The following PRELID2 variants were observed in gnomAD, a reference collection of about 807,000 sequenced individuals.
The protein encoded by PRELID2 is PRELI domain containing 2.
PRELID2 carries 25 observed loss-of-function variants against 28.4 expected under a neutral mutation model. That is an observed-to-expected ratio of 0.88 (90% CI 0.64 to 1.23). The LOEUF is 1.23. PRELID2 is among the 50% of genes most tolerant of loss of function. The pLI, the probability that PRELID2 is intolerant of heterozygous loss-of-function variation, is 0.00. For synonymous variants in PRELID2, 76 were observed against 71.6 expected (o/e 1.06, Z -0.31); for missense variants, 201 against 214.4 (o/e 0.94, Z 0.39).
At chr5:145,831,273 G>C (rs1294779540) in intron 1 of PRELID2, among the ~76,000 whole-genome samples, 1 of 152,194 alleles carries the variant, frequency 6.6e-6, no homozygotes, top group Non-Finnish European at 1.5e-5. Context: ...ACTGCACAAG[G>C]GCTCCTGGTC....
At chr5:145,714,693 T>C (rs1489624866) in intron 1 of PRELID2, among the ~76,000 whole-genome samples, 4 of 152,190 alleles carry the variant, frequency 2.6e-5, no homozygotes, top group Non-Finnish European at 5.9e-5. Context: ...GTGTCGTAAG[T>C]TCACAAGTCT....
At chr5:145,683,548 T>C (rs1230766449) in intron 1 of PRELID2, among the ~76,000 whole-genome samples, 1 of 152,194 alleles carries the variant, frequency 6.6e-6, no homozygotes, top group East Asian at 1.9e-4. Flanking sequence ...CGCTATGTCC[T>C]CACATGGCCT....
At chr5:145,710,505 C>T (rs1459858562) in intron 1 of PRELID2, among the ~76,000 whole-genome samples, 2 of 152,174 alleles carry the variant, frequency 1.3e-5, no homozygotes, top group East Asian at 3.9e-4. Context: ...AGTTTACCTA[C>T]CAAATCAGTC....
At chr5:145,373,198 CAACATATATAATATATAT>C in the PRELID2 span, among the ~76,000 whole-genome samples, 8 of 43,532 alleles carry the variant, frequency 1.8e-4, no homozygotes, top group South Asian at 1.6e-3. Flanking sequence ...ATATATATTA[CAACATATATAATATATAT>C]GATATATATT....
the PRELID2 span, among the ~76,000 whole-genome samples, chr5:145,341,522 AGAGT>A: frequency 2.0e-5 from 3 of 152,164 alleles, no homozygotes; most frequent in Admixed American, 6.5e-5. Context: ...CCTGGGCAAC[AGAGT>A]GAGACTCCAT....
chr5:145,413,105 T>C, the PRELID2 span, among the ~76,000 whole-genome samples: 2 of 152,106 alleles, frequency 1.3e-5, no homozygotes, highest in African/African-American at 4.8e-5. Context: ...AAAAGACTAA[T>C]ATCCAGAACC....
intron 1 of PRELID2, among the ~76,000 whole-genome samples, chr5:145,602,426 T>G (rs1753411225): frequency 6.6e-6 from 1 of 152,144 alleles, no homozygotes; most frequent in Admixed American, 6.6e-5. Flanking sequence ...AAAATATGAC[T>G]TTTAGGAAAC....
chr5:145,602,752 A>T (rs543303800), intron 1 of PRELID2, among the ~76,000 whole-genome samples: 1 of 152,234 alleles, frequency 6.6e-6, no homozygotes, highest in South Asian at 2.1e-4. Context: ...AACACAGGTG[A>T]AAACAGAATC....
At chr5:145,794,899 T>TA (rs1752635082) in intron 5 of PRELID2, among the ~76,000 whole-genome samples, 1 of 152,080 alleles carries the variant, frequency 6.6e-6, no homozygotes, top group Non-Finnish European at 1.5e-5. Flanking sequence ...AGCTATACCC[T>TA]ACAAGCCAAA....
At chr5:145,440,762 G>C in the PRELID2 span, 2 of 152,032 alleles carry the variant, frequency 1.3e-5, no homozygotes, top group African/African-American at 4.8e-5. Context: ...ATGATCTATG[G>C]AAGAAAAGGA....
chr5:145,591,942 C>T (rs1476681859), intron 1 of PRELID2, among the ~76,000 whole-genome samples: 4 of 152,188 alleles, frequency 2.6e-5, no homozygotes, highest in Non-Finnish European at 5.9e-5. Flanking sequence ...AGTCTCACTG[C>T]TTCATGTACA....
At chr5:145,353,284 T>A in the PRELID2 span, among the ~76,000 whole-genome samples, 2 of 152,050 alleles carry the variant, frequency 1.3e-5, no homozygotes, top group East Asian at 3.9e-4. Flanking sequence ...ATAGCCAGTT[T>A]CTACTAAAAA....
chr5:145,596,119 A>AAAAAAAAAAAAAAAAT (rs1753302769), intron 1 of PRELID2, among the ~76,000 whole-genome samples: 1 of 149,736 alleles, frequency 6.7e-6, no homozygotes, highest in African/African-American at 2.5e-5. Context: ...AAAAAAAAAA[A>AAAAAAAAAAAAAAAAT]GTCTGTTTAG....
intron 1 of PRELID2, among the ~76,000 whole-genome samples, chr5:145,703,431 GCTT>G (rs1755462078): frequency 6.6e-6 from 1 of 152,152 alleles, no homozygotes; most frequent in Non-Finnish European, 1.5e-5. Context: ...ACACACAGTA[GCTT>G]CAGCTTTACT....
chr5:145,248,929 C>T, the PRELID2 span, among the ~76,000 whole-genome samples: 380 of 152,218 alleles, frequency 2.5e-3, 2 homozygotes, highest in African/African-American at 8.9e-3. Flanking sequence ...GTCTCAGGGA[C>T]TACAGTAAAA....
chr5:145,741,291 A>G (rs1581123833), intron 1 of PRELID2, among the ~76,000 whole-genome samples: 1 of 106,474 alleles, frequency 9.4e-6, no homozygotes, highest in African/African-American at 3.9e-5. Context: ...ATATATAAAT[A>G]AATTATATAT....
At chr5:145,723,970 G>A (rs1023608682) in intron 1 of PRELID2, among the ~76,000 whole-genome samples, 4 of 152,104 alleles carry the variant, frequency 2.6e-5, no homozygotes, top group Non-Finnish European at 5.9e-5. Context: ...GATTGATCAA[G>A]TAAATTCTGA....
chr5:145,252,267 A>T, the PRELID2 span, among the ~76,000 whole-genome samples: 3 of 152,244 alleles, frequency 2.0e-5, no homozygotes, highest in Admixed American at 1.3e-4. Flanking sequence ...ATCGTCTATT[A>T]TGCTTGCTAA....
intron 1 of PRELID2, among the ~76,000 whole-genome samples, chr5:145,547,045 A>G (rs1024368107): frequency 6.6e-6 from 1 of 152,198 alleles, no homozygotes; most frequent in Admixed American, 6.5e-5. Flanking sequence ...GATATGTAGT[A>G]AATGCTCAAT....
Sources: gnomAD v4.1 joint callset for allele counts (sites outside exome capture counted in the v4.1 genomes callset) on GRCh38, gnomAD v4.1.1 for gene constraint, MANE v1.5 for transcripts, NCBI Gene and HGNC (gene_info 2026-07-23, HGNC 2026-07-21) for gene names.